ZBTB20: variants seen among roughly 807,000 people sequenced by gnomAD.
ZBTB20 encodes the protein zinc finger and BTB domain containing 20.
In ZBTB20, 9 loss-of-function variants were observed where a neutral mutation model predicts 56.9. The ratio of observed to expected loss-of-function variants is 0.16; its 90% CI spans 0.10 to 0.28. The LOEUF (loss-of-function observed/expected upper bound fraction) is 0.28, where lower values mean the gene tolerates loss of function less well. ZBTB20 is among the 10% of genes least tolerant of loss of function. ZBTB20 has a pLI of 1.00. For synonymous variants in ZBTB20, 417 were observed against 420.7 expected (o/e 0.99, Z 0.11); for missense variants, 655 against 1,003.0 (o/e 0.65, Z 4.69).
At chr3:114,890,208 AGT>A (rs1242789916) in intron 4 of ZBTB20, among the ~76,000 whole-genome samples, 3 of 152,244 alleles carry the variant, frequency 2.0e-5, no homozygotes, top group African/African-American at 7.2e-5. Context: ...CCTCCAAGCC[AGT>A]GTTGAAAGCA....
chr3:114,872,624 C>T (rs554088452), intron 4 of ZBTB20, among the ~76,000 whole-genome samples: 1 of 151,222 alleles, frequency 6.6e-6, no homozygotes, highest in South Asian at 2.1e-4. Flanking sequence ...GTCATGAAGC[C>T]TACAGTTGCC....
intron 2 of ZBTB20, among the ~76,000 whole-genome samples, chr3:115,067,995 C>T (rs969280209): frequency 6.6e-6 from 1 of 152,048 alleles, no homozygotes; most frequent in East Asian, 1.9e-4. Flanking sequence ...GAACACAGCA[C>T]TTCAAACATA....
intron 4 of ZBTB20, among the ~76,000 whole-genome samples, chr3:114,888,898 T>C (rs1485400060): frequency 6.6e-6 from 1 of 152,186 alleles, no homozygotes; most frequent in African/African-American, 2.4e-5. Flanking sequence ...CATATTTTTA[T>C]GTACTTACAC....
chr3:114,446,071 A>G (rs1418578691), intron 7 of ZBTB20, among the ~76,000 whole-genome samples: 1 of 152,134 alleles, frequency 6.6e-6, no homozygotes, highest in Non-Finnish European at 1.5e-5. Context: ...GAAACAAATA[A>G]ATGTATAATA....
chr3:114,419,727 C>T (rs1214773889), intron 7 of ZBTB20, among the ~76,000 whole-genome samples: 1 of 152,122 alleles, frequency 6.6e-6, no homozygotes, highest in African/African-American at 2.4e-5. Context: ...AACAATTATA[C>T]AATCTACGTT....
At chr3:114,979,363 T>C (rs1264444321) in intron 2 of ZBTB20, among the ~76,000 whole-genome samples, 3 of 151,988 alleles carry the variant, frequency 2.0e-5, no homozygotes, top group Non-Finnish European at 2.9e-5. Context: ...AAATTTCAAT[T>C]AAGTAAAAGT....
intron 2 of ZBTB20, among the ~76,000 whole-genome samples, chr3:114,992,567 T>C (rs2078861579): frequency 6.6e-6 from 1 of 151,646 alleles, no homozygotes; most frequent in African/African-American, 2.4e-5. Flanking sequence ...ACTCTTGGTG[T>C]CCCCCTAGAG....
intron 3 of ZBTB20, among the ~76,000 whole-genome samples, chr3:114,924,510 G>A (rs1182173789): frequency 6.6e-6 from 1 of 152,122 alleles, no homozygotes; most frequent in Non-Finnish European, 1.5e-5. Flanking sequence ...CTTATAAAAA[G>A]GTGAATCTCA....
chr3:114,917,507 G>C (rs546946816), intron 3 of ZBTB20, among the ~76,000 whole-genome samples: 1 of 152,172 alleles, frequency 6.6e-6, no homozygotes, highest in Admixed American at 6.5e-5. Flanking sequence ...CCCTTCTTGG[G>C]GAAGCATTCT....
intron 7 of ZBTB20, among the ~76,000 whole-genome samples, chr3:114,426,328 A>C (rs1189098921): frequency 6.2e-5 from 7 of 113,606 alleles, no homozygotes; most frequent in Admixed American, 1.2e-4. Context: ...ACAGAGCAAG[A>C]CTCCATCTCA....
intron 4 of ZBTB20, among the ~76,000 whole-genome samples, chr3:114,850,133 C>T (rs945397403): frequency 6.6e-6 from 1 of 152,008 alleles, no homozygotes; most frequent in Non-Finnish European, 1.5e-5. Context: ...TTCCTGACCT[C>T]GAGTGATCCG....
rs1040292976 is a variant in ZBTB20, at chr3:114,322,881, T to A, written c.*16124A>T. The A allele has an allele frequency of 6.6e-6, 1 of 152,204 alleles. No individual in the cohort carries two copies. The highest frequency in any genetic ancestry group is 1.5e-5 in the Non-Finnish European group (1 of 68,034). The allele number at this position is 152,204 out of a possible 1,614,324, so 9.4% of individuals were successfully genotyped here. Reference sequence around the variant, plus strand: ...GAGAGAAAAAGACAGGTTATCAATGTTGTAATCTTAGGGAAGGGGCCTCAA... The same window carrying A: ...GAGAGAAAAAGACAGGTTATCAATGATGTAATCTTAGGGAAGGGGCCTCAA... On this transcript the variant is annotated 3_prime_UTR_variant, in exon 12 of 12. Transcript: ENST00000675478.
chr3:114,513,848 G>A (rs2045675500), intron 6 of ZBTB20, among the ~76,000 whole-genome samples: 1 of 151,334 alleles, frequency 6.6e-6, no homozygotes, highest in African/African-American at 2.4e-5. Flanking sequence ...CATTTCTTCA[G>A]GTTTTCTTTC....
intron 6 of ZBTB20, among the ~76,000 whole-genome samples, chr3:114,517,747 T>G (rs2046176223): frequency 6.6e-6 from 1 of 152,054 alleles, no homozygotes; most frequent in Admixed American, 6.5e-5. Context: ...GGCTAATTTT[T>G]GTATTTTTAG....
chr3:114,996,570 G>T (rs2079036264), intron 2 of ZBTB20, among the ~76,000 whole-genome samples: 1 of 151,916 alleles, frequency 6.6e-6, no homozygotes, highest in African/African-American at 2.4e-5. Flanking sequence ...GTATTCCATG[G>T]TGTATATGTG....
chr3:115,113,386 T>C (rs1196183965), intron 1 of ZBTB20, among the ~76,000 whole-genome samples: 1 of 152,254 alleles, frequency 6.6e-6, no homozygotes, highest in Non-Finnish European at 1.5e-5. Context: ...AGTTAAAAAC[T>C]ACAATTCTTA....
intron 6 of ZBTB20, among the ~76,000 whole-genome samples, chr3:114,584,927 G>A (rs1413979569): frequency 3.3e-5 from 5 of 152,116 alleles, no homozygotes; most frequent in African/African-American, 9.7e-5. Context: ...GTGAATAAGA[G>A]CAGCTCAGTT....
intron 7 of ZBTB20, among the ~76,000 whole-genome samples, chr3:114,463,798 C>A (rs1322949402): frequency 5.3e-5 from 8 of 152,092 alleles, no homozygotes; most frequent in African/African-American, 1.9e-4. Flanking sequence ...CTTTGTTAAC[C>A]AAAATTGAAT....
chr3:114,617,477 T>C (rs948595413), intron 6 of ZBTB20, among the ~76,000 whole-genome samples: 1 of 152,200 alleles, frequency 6.6e-6, no homozygotes, highest in African/African-American at 2.4e-5. Flanking sequence ...TCACTGTGCC[T>C]CCATGGTTCC....
Sources: allele counts gnomAD v4.1 joint callset (sites outside exome capture counted in the v4.1 genomes callset), GRCh38; gene constraint gnomAD v4.1.1; transcripts MANE v1.5; gene names NCBI Gene and HGNC (gene_info 2026-07-23, HGNC 2026-07-21).